Variants in VPS45 observed in about 807,000 individuals in gnomAD.
VPS45 encodes the protein vacuolar protein sorting 45 homolog, also known as vacuolar protein sorting-associated protein 45.
A neutral mutation model predicts 75.9 loss-of-function variants in VPS45; 35 were observed. The observed-to-expected ratio is 0.46, with a 90% CI of 0.35 to 0.61. The LOEUF is 0.61. VPS45 is among the 20% of genes least tolerant of loss of function. The pLI is 0.00. For synonymous variants in VPS45, 220 were observed against 238.2 expected, an observed-to-expected ratio of 0.92 and a Z score of 0.70; for missense variants, 559 against 685.9, an observed-to-expected ratio of 0.81 and a Z score of 2.07.
intron 3 of VPS45, among the ~76,000 whole-genome samples, chr1:150,074,728 A>G (rs2101507397): frequency 6.6e-6 from 1 of 152,244 alleles, no homozygotes. Context: ...ATAAGTTCCA[A>G]TGTACCTATC....
intron 13 of VPS45, among the ~76,000 whole-genome samples, chr1:150,097,409 C>T (rs1553803237): frequency 2.0e-5 from 3 of 150,328 alleles, no homozygotes; most frequent in African/African-American, 7.3e-5. Context: ...CCAGCCATAA[C>T]ATTTCTTTCA....
intron 14 of VPS45, among the ~76,000 whole-genome samples, chr1:150,131,430 G>GA (rs1422984756): frequency 6.6e-6 from 1 of 152,068 alleles, no homozygotes; most frequent in Non-Finnish European, 1.5e-5. Flanking sequence ...ATCATCGCTT[G>GA]AACTTGGGAG....
chr1:150,133,139 G>T (rs1658910142), intron 14 of VPS45, among the ~76,000 whole-genome samples: 1 of 152,162 alleles, frequency 6.6e-6, no homozygotes, highest in Non-Finnish European at 1.5e-5. Context: ...TATGAAGATA[G>T]TCCGATGTCA....
At chr1:150,076,077 T>TATATATAA (rs1553798004) in intron 3 of VPS45, among the ~76,000 whole-genome samples, 156 bp from the exon 4 acceptor site, 3 of 148,778 alleles carry the variant, frequency 2.0e-5, no homozygotes, top group African/African-American at 7.5e-5. Flanking sequence ...TATATATATA[T>TATATATAA]ATATATAAAA....
chr1:150,138,337 A>T (rs1046757192), intron 14 of VPS45, among the ~76,000 whole-genome samples: 1 of 152,112 alleles, frequency 6.6e-6, no homozygotes, highest in Admixed American at 6.6e-5. Context: ...CTTAGCTTCC[A>T]GGAACTATAC....
At chr1:150,102,744 C>G (rs2101591872) in intron 13 of VPS45, among the ~76,000 whole-genome samples, 1 of 152,162 alleles carries the variant, frequency 6.6e-6, no homozygotes, top group African/African-American at 2.4e-5. Flanking sequence ...TGGAGGCTAT[C>G]ACCCTTAGTA....
intron 14 of VPS45, among the ~76,000 whole-genome samples, chr1:150,139,886 TTTG>T (rs752651196): frequency 8.6e-5 from 13 of 150,784 alleles, no homozygotes; most frequent in Non-Finnish European, 1.6e-4. Context: ...TTATTTTATT[TTTG>T]TTGTTGTTGT....
At chr1:150,097,756 A>G (rs1245059803) in intron 13 of VPS45, among the ~76,000 whole-genome samples, 1 of 152,026 alleles carries the variant, frequency 6.6e-6, no homozygotes, top group Non-Finnish European at 1.5e-5. Flanking sequence ...GTGTACATGT[A>G]TATAAATATG....
chr1:150,085,155 C>A (rs1408322258), intron 10 of VPS45, among the ~76,000 whole-genome samples: 1 of 151,932 alleles, frequency 6.6e-6, no homozygotes, highest in African/African-American at 2.4e-5. Flanking sequence ...TAGAAATGTC[C>A]TGATATTTAC....
chr1:150,111,789 G>A lies in VPS45; in HGVS notation c.1625+1162G>A, dbSNP rs587688112. ...TTCAGAAAGTACAAGGAGAAAAAAC[G>A]TTTCCATAATCTAACCACTGTTACG... On this transcript the variant is annotated intron_variant, in intron 14 of 14. Coordinates refer to ENST00000644510, the MANE Select transcript of VPS45 (RefSeq NM_007259.5). Among the ~76,000 whole-genome samples, 8 of 152,136 alleles carry A rather than the reference G, an allele frequency of 5.3e-5. No individual in the cohort carries two copies. The South Asian group carries it at 8.3e-4, about 16-fold the overall frequency.
rs1176536303 is a variant in VPS45, at chr1:150,117,011, G to T, written c.1625+6384G>T. Among the ~76,000 whole-genome samples the T allele has an allele frequency of 5.3e-5, 8 of 151,980 alleles. No individual in the cohort carries two copies. The South Asian group carries it at 1.5e-3, about 28-fold the overall frequency. On this transcript the variant is annotated intron_variant, in intron 14 of 14. Coordinates refer to ENST00000644510, the MANE Select transcript of VPS45 (RefSeq NM_007259.5). The stretch of plus-strand genomic sequence containing the variant: ...AGGTCAGAAGATCGAGACCATCCTG[G>T]CTATCACAGTGAAACCCCATCTCTA...
rs2101522081 is a variant in VPS45 at position 150,077,737 on chromosome 1, T to A, written c.645T>A (p.Ile215=). ...CAGAGGTTCCTCCATTGCTCCTTAT[T>A]TTAGATCGCTGTGATGATGCCATCA... ...RRTEVPPLLL[I]LDRCDDAITP... Residue 215 remains isoleucine (I), a synonymous_variant, in exon 7 of 15, where the codon ATT becomes ATA. Transcript: ENST00000644510. 1 of 1,614,078 alleles carries A rather than the reference T, an allele frequency of 6.2e-7. No homozygotes were observed. Among genetic ancestry groups the A allele is most frequent in the Non-Finnish European group, 8.5e-7 (1 of 1,179,980 alleles).
chr1:150,105,600 A>G (rs587763383), intron 13 of VPS45, among the ~76,000 whole-genome samples: 1 of 152,344 alleles, frequency 6.6e-6, no homozygotes, highest in African/African-American at 2.4e-5. Flanking sequence ...AACATTGATG[A>G]AAGAAATCAT....
At chr1:150,096,920 C>CA (rs1241529754) in intron 13 of VPS45, among the ~76,000 whole-genome samples, 2 of 150,790 alleles carry the variant, frequency 1.3e-5, no homozygotes, top group African/African-American at 2.4e-5. Flanking sequence ...GAAGTAATAG[C>CA]AAAAAAACTA....
upstream of VPS45, chr1:150,067,758 G>T (rs914658833): frequency 2.4e-6 from 3 of 1,239,128 alleles, no homozygotes; most frequent in African/African-American, 1.5e-5. Flanking sequence ...GCCGAATCCC[G>T]GCTGGGAGGA....
chr1:150,077,877 C>A (rs1655485173), intron 7 of VPS45, 98 bp downstream of exon 7: 1 of 979,462 alleles, frequency 1.0e-6, no homozygotes, highest in East Asian at 2.5e-5. Flanking sequence ...TTATTTGCCT[C>A]CTTATTTTTA....
At chr1:150,067,775 T>C, upstream of VPS45, 1 of 1,415,218 alleles carries the variant, frequency 7.1e-7, no homozygotes, top group South Asian at 1.2e-5. Context: ...AGGAAGCAGC[T>C]GAGACCCGGC....
At chr1:150,077,287 A>G in intron 6 of VPS45, 56 bp downstream of exon 6, 1 of 1,567,188 alleles carries the variant, frequency 6.4e-7, no homozygotes, top group Middle Eastern at 1.7e-4. Context: ...TTTCTCTATC[A>G]TATTTCAGAA....
At chr1:150,112,931 T>C (rs1362479930) in intron 14 of VPS45, among the ~76,000 whole-genome samples, 4 of 152,068 alleles carry the variant, frequency 2.6e-5, no homozygotes, top group African/African-American at 9.7e-5. Flanking sequence ...GGGTGGGGTG[T>C]GGAGTCTCCA....
Sources: gnomAD v4.1 joint callset for allele counts (sites outside exome capture counted in the v4.1 genomes callset) on GRCh38, gnomAD v4.1.1 for gene constraint, MANE v1.5 for transcripts, NCBI Gene and HGNC (gene_info 2026-07-23, HGNC 2026-07-21) for gene names.